The following FANCI variants were observed in gnomAD, a reference collection of about 807,000 sequenced individuals.
FANCI encodes the protein FA complementation group I.
In FANCI, 156 loss-of-function variants were observed where a neutral mutation model predicts 176.1. The ratio of observed to expected loss-of-function variants is 0.89; its 90% CI spans 0.78 to 1.01. The LOEUF (loss-of-function observed/expected upper bound fraction) is 1.01, where lower values mean the gene tolerates loss of function less well. Among genes scored for constraint, FANCI ranks in the 50% least tolerant of loss-of-function variants. The probability of loss-of-function intolerance (pLI) is 0.00; values close to 1 mark genes in which losing one functional copy is unlikely to be tolerated. For synonymous variants in FANCI, 613 were observed against 541.7 expected (o/e 1.13, Z -1.83); for missense variants, 1,678 against 1,534.1 (o/e 1.09, Z -1.57).
intron 10 of FANCI, 35 bp downstream of exon 10, chr15:89,268,560 T>C (rs749348829): frequency 1.5e-4 from 244 of 1,606,934 alleles, no homozygotes; most frequent in Non-Finnish European, 2.0e-4. Context: ...CTGGGTCTCT[T>C]TTGAATGAAA....
At position 89,285,343 on chromosome 15, in the gene FANCI, C is replaced by T. The variant is rs552138217; in HGVS notation, c.1821+125C>T. The T allele has an allele frequency of 5.3e-6, 7 of 1,315,256 alleles. No homozygotes were observed. In the South Asian group the frequency reaches 7.7e-5, roughly 14 times the overall value. 81.5% of individuals were successfully genotyped at this position (1,315,256 alleles called of 1,614,324 possible). Reference sequence around the variant, plus strand: ...TACTTGATGTAGTCAGCACCAGTAGCTAGTGATGTTTAGTCAAAAAGTTGT... The same window carrying T: ...TACTTGATGTAGTCAGCACCAGTAGTTAGTGATGTTTAGTCAAAAAGTTGT... On this transcript the variant is annotated intron_variant, in intron 18 of 37. Transcript: ENST00000310775.
Position 89,293,075 on chromosome 15 carries a change from C to G in FANCI, c.2291+12C>G, listed in dbSNP as rs369540539. 80 of 1,612,218 alleles carry G rather than the reference C, an allele frequency of 5.0e-5. No individual in the cohort carries two copies. In the African/African-American group the frequency reaches 1.0e-3, roughly 21 times the overall value. On this transcript the variant is annotated intron_variant, in intron 22 of 37. Coordinates refer to ENST00000310775, the MANE Select transcript of FANCI (RefSeq NM_001113378.2). ...ATAAGTAGTTTCAGGTAAGGTTTTG[C>G]TATAACTCCATTTGTAATTTGATGA...
At chr15:89,307,870 AC>A in intron 34 of FANCI, 198 bp downstream of exon 34, 3 of 1,452,514 alleles carry the variant, frequency 2.1e-6, no homozygotes, top group Non-Finnish European at 2.7e-6. Context: ...AAACTGTTTC[AC>A]TTAATTTGGA....
intron 3 of FANCI, among the ~76,000 whole-genome samples, 186 bp from the exon 4 acceptor site, chr15:89,260,527 G>T (rs935845908): frequency 6.6e-6 from 1 of 152,182 alleles, no homozygotes; most frequent in Non-Finnish European, 1.5e-5. Flanking sequence ...TGACATTTTA[G>T]TCCCTTTATT....
At chr15:89,267,950 T>C (rs1555444007) in intron 9 of FANCI, among the ~76,000 whole-genome samples, 7 of 152,088 alleles carry the variant, frequency 4.6e-5, no homozygotes, top group South Asian at 2.1e-4. Context: ...GATAGATAGA[T>C]AGACAGACAG....
intron 14 of FANCI, among the ~76,000 whole-genome samples, chr15:89,279,014 T>G (rs144859677): frequency 1.8e-3 from 272 of 152,314 alleles, no homozygotes; most frequent in Non-Finnish European, 2.9e-3. Context: ...CTCAACATTT[T>G]CTCTTTTTGT....
chr15:89,266,164 T>G (rs2052948314), intron 9 of FANCI, among the ~76,000 whole-genome samples: 1 of 118,814 alleles, frequency 8.4e-6, no homozygotes, highest in Admixed American at 8.4e-5. Context: ...GCCTGGCTAC[T>G]GTTTTTTTTT....
chr15:89,280,329 G>C (rs1000977228), intron 14 of FANCI, among the ~76,000 whole-genome samples: 15 of 152,148 alleles, frequency 9.9e-5, no homozygotes, highest in Non-Finnish European at 1.5e-4. Flanking sequence ...CAAATTGTCA[G>C]CTCTTTATCC....
chr15:89,282,929 T>C (rs1469236536), intron 16 of FANCI: 11 of 584,242 alleles, frequency 1.9e-5, no homozygotes, highest in Admixed American at 1.1e-4. Flanking sequence ...GAGTTAAGTA[T>C]TGAAAAAAGT....
At chr15:89,281,660 G>A (rs931556956) in intron 15 of FANCI, 105 bp from the exon 16 acceptor site, 7 of 1,044,560 alleles carry the variant, frequency 6.7e-6, no homozygotes, top group Non-Finnish European at 1.0e-5. Context: ...ATATAAAACA[G>A]AAGTAAGCTT....
intron 12 of FANCI, 27 bp from the exon 13 acceptor site, chr15:89,276,681 CTTT>C (rs773175418): frequency 6.2e-7 from 1 of 1,613,592 alleles, no homozygotes; most frequent in Admixed American, 1.7e-5. Flanking sequence ...CTAAGTTTTT[CTTT>C]TTTAACTAAG....
In FANCI at chr15:89,252,850, G is replaced by A. The variant is rs531617373; in HGVS notation, c.84+5119G>A. Among the ~76,000 whole-genome samples, 19 of 152,318 alleles carry A rather than the reference G, an allele frequency of 1.2e-4. No homozygotes were observed. In the East Asian group the frequency reaches 3.5e-3, roughly 28 times the overall value. On this transcript the variant is annotated intron_variant, in intron 2 of 37. Transcript: ENST00000310775. ...AACTAAGAAGATATCCCCTGTTCTT[G>A]ATTGGGGAGTCTCAACATCACGAAA...
intron 35 of FANCI, 73 bp from the exon 36 acceptor site, chr15:89,314,539 A>G: frequency 9.0e-7 from 1 of 1,107,172 alleles, no homozygotes; most frequent in Non-Finnish European, 1.4e-6. Flanking sequence ...ACAGTTTTGT[A>G]AGTGACAGCT....
At chr15:89,293,367 T>C (rs993853383) in intron 22 of FANCI, among the ~76,000 whole-genome samples, 1 of 152,210 alleles carries the variant, frequency 6.6e-6, no homozygotes, top group East Asian at 1.9e-4. Flanking sequence ...TATTGGACTT[T>C]AATACTCTGC....
intron 27 of FANCI, 74 bp from the exon 28 acceptor site, chr15:89,303,790 A>G (rs1313993322): frequency 2.2e-6 from 3 of 1,335,424 alleles, no homozygotes; most frequent in African/African-American, 1.4e-5. Context: ...AAAGGTCTAG[A>G]ACTCTTCTGT....
rs760811772 is a variant in FANCI at position 89,260,717 on chromosome 15, C to T, written c.162C>T (p.Ser54=). The change falls in exon 4 of 38, where the codon TCC becomes TCT. Residue 54 remains serine, a synonymous_variant. Coordinates refer to ENST00000310775, the MANE Select transcript of FANCI (RefSeq NM_001113378.2). Reference sequence around the variant, plus strand: ...CCCCCTGTTTAAAACAATAAGGTTCCCCCTGCTCTGAGGAAGCTGGAACAC... The same window carrying T: ...CCCCCTGTTTAAAACAATAAGGTTCTCCCTGCTCTGAGGAAGCTGGAACAC... ...GALLRAIFKG[S]PCSEEAGTLR... 6.2e-7 allele frequency: 1 copy of T among 1,613,554 alleles called. No homozygotes were observed. Among genetic ancestry groups the T allele is most frequent in the South Asian group, 1.1e-5 (1 of 91,064 alleles).
At chr15:89,306,243 G>A in intron 32 of FANCI, 49 bp downstream of exon 32, 6 of 1,585,412 alleles carry the variant, frequency 3.8e-6, no homozygotes, top group South Asian at 2.2e-5. Flanking sequence ...ACCCCAGTGA[G>A]CCAGGAGATG....
At chr15:89,306,677 G>A (rs2054733844) in intron 32 of FANCI, among the ~76,000 whole-genome samples, 1 of 152,012 alleles carries the variant, frequency 6.6e-6, no homozygotes, top group Non-Finnish European at 1.5e-5. Flanking sequence ...TGGCAATAGA[G>A]TGAGACTCCA....
intron 28 of FANCI, among the ~76,000 whole-genome samples, 173 bp from the exon 29 acceptor site, chr15:89,304,942 A>G (rs2054659917): frequency 6.6e-6 from 1 of 152,058 alleles, no homozygotes; most frequent in South Asian, 2.1e-4. Flanking sequence ...ATGCCCGGCT[A>G]ATTTTATATT....
Sources: gnomAD v4.1 joint callset for allele counts (sites outside exome capture counted in the v4.1 genomes callset) on GRCh38, gnomAD v4.1.1 for gene constraint, MANE v1.5 for transcripts, NCBI Gene and HGNC (gene_info 2026-07-23, HGNC 2026-07-21) for gene names.